The following VSNL1 variants were observed in gnomAD, a reference collection of about 807,000 sequenced individuals.
VSNL1 encodes the protein visinin-like protein 1.
Under a neutral mutation model 20.4 loss-of-function variants are expected in VSNL1, and 6 were observed. The ratio of observed to expected loss-of-function variants is 0.29; its 90% CI spans 0.16 to 0.58. VSNL1 has a LOEUF of 0.58. Among genes scored for constraint, VSNL1 ranks in the 20% least tolerant of loss-of-function variants. The probability of loss-of-function intolerance (pLI) is 0.90; values close to 1 mark genes in which losing one functional copy is unlikely to be tolerated. For missense variants in VSNL1, 100 were observed against 234.5 expected (o/e 0.43, Z 3.75); for synonymous variants, 93 against 86.4 (o/e 1.08, Z -0.42).
chr2:17,585,894 C>T (rs964015840), intron 1 of VSNL1, among the ~76,000 whole-genome samples: 5 of 151,812 alleles, frequency 3.3e-5, no homozygotes, highest in Non-Finnish European at 7.4e-5. Flanking sequence ...CAACCTTCTC[C>T]ACCTCCCTGG....
At chr2:17,582,560 C>G (rs62132073) in intron 1 of VSNL1, among the ~76,000 whole-genome samples, 5,020 of 152,140 alleles carry the variant, frequency 0.033, 89 homozygotes, top group East Asian at 0.097. Flanking sequence ...TAGAATCTAC[C>G]AACTTCTTAA....
Position 17,542,908 on chromosome 2 carries a change from A to C in VSNL1, c.-6+1990A>C, listed in dbSNP as rs1572320739. On this transcript the variant is annotated intron_variant, in intron 1 of 3. Coordinates refer to ENST00000295156, the MANE Select transcript of VSNL1 (RefSeq NM_003385.5). Reference sequence around the variant, plus strand: ...TGTAGATGAGGAAACTGAGGCCCAGAACCATGGATGTAGAGAAAAGTCAAT... The same window carrying C: ...TGTAGATGAGGAAACTGAGGCCCAGCACCATGGATGTAGAGAAAAGTCAAT... 2.0e-5 allele frequency among the ~76,000 whole-genome samples: 3 copies of C among 152,352 alleles called. No individual in the cohort carries two copies. The Middle Eastern group carries it at 0.01, about 518-fold the overall frequency.
intron 1 of VSNL1, among the ~76,000 whole-genome samples, chr2:17,588,060 C>T (rs1664519138): frequency 1.3e-5 from 2 of 152,162 alleles, no homozygotes; most frequent in African/African-American, 4.8e-5. Context: ...CACTGAACTT[C>T]TCTGTATGAC....
intron 1 of VSNL1, among the ~76,000 whole-genome samples, chr2:17,550,693 C>T (rs1663513815): frequency 6.6e-6 from 1 of 152,094 alleles, no homozygotes; most frequent in Non-Finnish European, 1.5e-5. Flanking sequence ...TAAAGAGACC[C>T]ACATATGCAT....
At chr2:17,616,107 T>C (rs1418645942) in intron 2 of VSNL1, among the ~76,000 whole-genome samples, 1 of 152,214 alleles carries the variant, frequency 6.6e-6, no homozygotes, top group Non-Finnish European at 1.5e-5. Flanking sequence ...CCACTAACTT[T>C]CCTTCCTCAC....
At chr2:17,644,275 C>T (rs931932272) in intron 2 of VSNL1, among the ~76,000 whole-genome samples, 1 of 152,184 alleles carries the variant, frequency 6.6e-6, no homozygotes, top group African/African-American at 2.4e-5. Context: ...TTCTGCCCAT[C>T]GGCAGGAGGT....
At chr2:17,564,153 G>T (rs566546467) in intron 1 of VSNL1, among the ~76,000 whole-genome samples, 1 of 152,196 alleles carries the variant, frequency 6.6e-6, no homozygotes, top group Non-Finnish European at 1.5e-5. Context: ...TATTTGTTCT[G>T]GCCTAAATTT....
chr2:17,606,186 C>T (rs78821391), intron 2 of VSNL1, among the ~76,000 whole-genome samples: 2,744 of 152,250 alleles, frequency 0.018, 44 homozygotes, highest in South Asian at 0.029. Flanking sequence ...GATCCTCATC[C>T]CCACTAATAA....
At chr2:17,544,784 TTAATC>T (rs1257818556) in intron 1 of VSNL1, among the ~76,000 whole-genome samples, 6 of 152,338 alleles carry the variant, frequency 3.9e-5, no homozygotes, top group African/African-American at 1.4e-4. Flanking sequence ...TCACATTTAA[TTAATC>T]TAAACTGACA....
chr2:17,548,050 A>T (rs1663441340), intron 1 of VSNL1, among the ~76,000 whole-genome samples: 1 of 151,964 alleles, frequency 6.6e-6, no homozygotes, highest in Non-Finnish European at 1.5e-5. Context: ...TTTCCAACCC[A>T]TTTCGCGACT....
At chr2:17,627,745 C>A (rs1052293066) in intron 2 of VSNL1, among the ~76,000 whole-genome samples, 5 of 152,094 alleles carry the variant, frequency 3.3e-5, no homozygotes, top group African/African-American at 7.2e-5. Context: ...AGTGATGTTA[C>A]CTTCAAGAGT....
chr2:17,653,025 A>C (rs1462340619), intron 3 of VSNL1, among the ~76,000 whole-genome samples: 1 of 152,226 alleles, frequency 6.6e-6, no homozygotes, highest in African/African-American at 2.4e-5. Flanking sequence ...GTAAAGTCTG[A>C]AAACAGCTAT....
At chr2:17,612,779 G>A (rs902146617) in intron 2 of VSNL1, among the ~76,000 whole-genome samples, 3 of 152,206 alleles carry the variant, frequency 2.0e-5, no homozygotes, top group African/African-American at 7.2e-5. Flanking sequence ...GCAGCTCTGA[G>A]TAACAGCAAT....
In VSNL1 at chr2:17,642,309, C is replaced by CTTTTTTTTTTT. The variant is rs577471307; in HGVS notation, c.163-7094_163-7084dup. Among the ~76,000 whole-genome samples, 883 of 93,086 alleles carry CTTTTTTTTTTT rather than the reference C, an allele frequency of 9.5e-3. 127 individuals are homozygous for CTTTTTTTTTTT. Among genetic ancestry groups the CTTTTTTTTTTT allele is most frequent in the African/African-American group, 0.02 (517 of 26,110 alleles). 61.1% of individuals were successfully genotyped at this position (93,086 alleles called of 152,430 possible). ...CTGGCTTTTCCCATGGTGAGCATTC[C>CTTTTTTTTTTT]TTTTTTTTTTTTTTTTTGAGACAGA... is the stretch of plus-strand genomic sequence containing the variant. On this transcript the variant is annotated intron_variant, in intron 2 of 3. Transcript: ENST00000295156.
chr2:17,626,540 G>C (rs532272929), intron 2 of VSNL1, among the ~76,000 whole-genome samples: 6 of 152,260 alleles, frequency 3.9e-5, no homozygotes, highest in Non-Finnish European at 5.9e-5. Context: ...AACCACCAGG[G>C]GAAGCACTCC....
At chr2:17,611,792 A>T (rs1231198334) in intron 2 of VSNL1, among the ~76,000 whole-genome samples, 1 of 152,048 alleles carries the variant, frequency 6.6e-6, no homozygotes, top group African/African-American at 2.4e-5. Context: ...CCTCACCCAA[A>T]CCTGCTCCCC....
chr2:17,628,274 T>G (rs1230366796), intron 2 of VSNL1, among the ~76,000 whole-genome samples: 2 of 152,354 alleles, frequency 1.3e-5, no homozygotes, highest in East Asian at 3.9e-4. Context: ...ATCTAACAGT[T>G]GTTAAATTGA....
rs1558314496 is a variant in VSNL1 at position 17,655,640 on chromosome 2, A to G, written c.*246A>G. On this transcript the variant is annotated 3_prime_UTR_variant, in exon 4 of 4. Transcript: ENST00000295156. This position sits in a 1 kb window ranked among gnomAD's most constrained non-coding sequence, Gnocchi z 5.2. ...AACCTGCCACAATGTGATATGTGTAATATCATTTCATAAAAATCCCTCTTC... is the reference window on the plus strand; with the variant it reads ...AACCTGCCACAATGTGATATGTGTAGTATCATTTCATAAAAATCCCTCTTC... 2 of 402,654 alleles carry G rather than the reference A, an allele frequency of 5.0e-6. No homozygotes were observed. Among genetic ancestry groups the G allele is most frequent in the East Asian group, 8.1e-5 (2 of 24,808 alleles). 24.9% of individuals were successfully genotyped at this position (402,654 alleles called of 1,614,324 possible).
At chr2:17,605,570 G>T (rs1195757752) in intron 2 of VSNL1, among the ~76,000 whole-genome samples, 1 of 152,190 alleles carries the variant, frequency 6.6e-6, no homozygotes, top group African/African-American at 2.4e-5. Context: ...CAAGAGAAAG[G>T]CTCTCGGAGA....
Sources: gnomAD v4.1 joint callset for allele counts (sites outside exome capture counted in the v4.1 genomes callset) on GRCh38, gnomAD v4.1.1 for gene constraint, Gnocchi (gnomAD v3.1) non-coding constraint, MANE v1.5 for transcripts, NCBI Gene and HGNC (gene_info 2026-07-23, HGNC 2026-07-21) for gene names.